The following NCOR2 variants were observed in gnomAD, a reference collection of about 807,000 sequenced individuals.
NCOR2 encodes the protein CTG repeat protein 26.
NCOR2 carries 81 observed loss-of-function variants against 262.9 expected under a neutral mutation model. That is an observed-to-expected ratio of 0.31 (90% CI 0.26 to 0.37). The LOEUF is 0.37. Among genes scored for constraint, NCOR2 ranks in the 10% least tolerant of loss-of-function variants. The probability of loss-of-function intolerance (pLI) is 1.00; values close to 1 mark genes in which losing one functional copy is unlikely to be tolerated. For synonymous variants in NCOR2, 1,659 were observed against 1,559.3 expected (o/e 1.06, Z -1.51); for missense variants, 3,385 against 3,621.4 (o/e 0.93, Z 1.68).
intron 1 of NCOR2, among the ~76,000 whole-genome samples, chr12:124,512,345 C>T (rs1261458839): frequency 1.3e-5 from 2 of 152,240 alleles, no homozygotes; most frequent in African/African-American, 4.8e-5. Context: ...TGGCTCCAGG[C>T]ATTCCTTGGC....
intron 31 of NCOR2, 71 bp downstream of exon 33, chr12:124,346,493 C>T (rs1349075011): frequency 2.1e-6 from 3 of 1,411,080 alleles, no homozygotes; most frequent in Non-Finnish European, 2.8e-6. Flanking sequence ...GTGGAGAGGC[C>T]CAGGGCAGTG....
At chr12:124,533,074 T>C (rs1253233515) in intron 1 of NCOR2, among the ~76,000 whole-genome samples, 1 of 135,376 alleles carries the variant, frequency 7.4e-6, no homozygotes, top group Non-Finnish European at 1.6e-5. Flanking sequence ...CACTCCTCCT[T>C]CTCCTACCTC....
intron 30 of NCOR2, 123 bp downstream of exon 32, chr12:124,347,702 T>C: frequency 1.1e-6 from 1 of 898,740 alleles, no homozygotes; most frequent in East Asian, 2.7e-5. Context: ...ACATGTGTGC[T>C]GCAGGCCTTT....
At chr12:124,350,488 T>G (rs2037357914) in intron 28 of NCOR2, 99 bp downstream of exon 30, 1 of 1,471,652 alleles carries the variant, frequency 6.8e-7, no homozygotes, top group South Asian at 1.3e-5. Context: ...AGATTGTGCT[T>G]TCTGATGTCA....
rs1565985008 is a variant in NCOR2 at position 124,483,636 on chromosome 12, A to G, written c.371T>C (p.Leu124Pro). The change falls in exon 3 of 47, where the codon CTG (leucine) becomes CCG (proline). Residue 124 changes from leucine (L) to proline (P), a missense_variant. By Grantham distance (98) the Leu-to-Pro change is moderately conservative (BLOSUM62 -3). Around this residue, in one of 5 missense-constraint regions of NCOR2, gnomAD observed 237 missense variants for 229.4 expected, o/e 1.03. Transcript: ENST00000405201. The surrounding 1 kb of genome is among the most constrained non-coding windows in gnomAD (Gnocchi z 6.3). ...AGATCCCGCAGGCTGGCCCGTGGCC[A>G]GCAGGGGTGACGGTCGCAGCAGGGG... is the stretch of plus-strand genomic sequence containing the variant. 11 of 1,610,398 alleles carry G rather than the reference A, an allele frequency of 6.8e-6. No homozygotes were observed. Among genetic ancestry groups the G allele is most frequent in the Non-Finnish European group, 9.3e-6 (11 of 1,178,600 alleles).
At chr12:124,400,027 G>A (rs983707950) in intron 15 of NCOR2, among the ~76,000 whole-genome samples, 1 of 152,096 alleles carries the variant, frequency 6.6e-6, no homozygotes, top group African/African-American at 2.4e-5. Context: ...AAGGAGTGGT[G>A]GTTACTCGGC....
intron 1 of NCOR2, among the ~76,000 whole-genome samples, chr12:124,533,363 C>T (rs1024902211): frequency 1.7e-4 from 26 of 152,066 alleles, no homozygotes. Context: ...TCACCCTTCC[C>T]CCAGATACCT....
intron 5 of NCOR2, 137 bp downstream of exon 7, chr12:124,466,036 C>A: frequency 1.2e-6 from 1 of 851,596 alleles, no homozygotes; most frequent in South Asian, 1.7e-5. Flanking sequence ...ACTCATAAAC[C>A]CTGCGTCTCT....
rs1565940407 is a variant in NCOR2 at position 124,433,875 on chromosome 12, C to CACACACACACAA, written c.883-3089_883-3088insTTGTGTGTGTGT. Among the ~76,000 whole-genome samples, 78 of 96,144 alleles carry CACACACACACAA rather than the reference C, an allele frequency of 8.1e-4. 1 individual carries two copies. The highest frequency in any genetic ancestry group is 5.2e-3 in the South Asian group (14 of 2,712). The allele number at this position is 96,144 out of a possible 152,430, so 63.1% of individuals were successfully genotyped here. ...ACACACACACACACACACACACACA[C>CACACACACACAA]ACACACACACACACACACACACACG... On this transcript the variant is annotated intron_variant, in intron 8 of 46. Coordinates refer to ENST00000405201, the Ensembl canonical transcript of NCOR2.
intron 20 of NCOR2, among the ~76,000 whole-genome samples, chr12:124,369,752 C>T (rs932116788): frequency 1.3e-5 from 2 of 152,238 alleles, no homozygotes; most frequent in East Asian, 1.9e-4. Flanking sequence ...CTCCTGCACC[C>T]GGGGGCTGTG....
chr12:124,544,501 G>A (rs1298905649), intron 1 of NCOR2, among the ~76,000 whole-genome samples: 1 of 152,212 alleles, frequency 6.6e-6, no homozygotes, highest in Non-Finnish European at 1.5e-5. Flanking sequence ...GATGGTGAAA[G>A]AGATTTGTCA....
At chr12:124,502,566 G>C (rs1346118826) in intron 1 of NCOR2, among the ~76,000 whole-genome samples, 2 of 152,186 alleles carry the variant, frequency 1.3e-5, no homozygotes, top group Non-Finnish European at 2.9e-5. Context: ...AAGGCCCAGA[G>C]GCAGGACCGA....
exon 38 of NCOR2, chr12:124,336,885 G>C (rs1396273035): frequency 1.2e-6 from 2 of 1,608,084 alleles, no homozygotes; most frequent in Non-Finnish European, 8.5e-7. Flanking sequence ...TTCTTCGCAG[G>C]GGTGCGGGCG....
chr12:124,332,887 C>T (rs1268761183), intron 42 of NCOR2, among the ~76,000 whole-genome samples: 2 of 152,246 alleles, frequency 1.3e-5, no homozygotes, highest in South Asian at 4.1e-4. Flanking sequence ...GGGCTGTCAA[C>T]GGGGGCCTGG....
intron 8 of NCOR2, among the ~76,000 whole-genome samples, chr12:124,434,217 A>AG (rs953661823): frequency 2.0e-5 from 3 of 151,894 alleles, no homozygotes; most frequent in Non-Finnish European, 4.4e-5. Flanking sequence ...CCAGGGTCTG[A>AG]GGGGGGTCTG....
upstream of NCOR2, among the ~76,000 whole-genome samples, chr12:124,540,330 C>T (rs1409738995): frequency 1.4e-5 from 2 of 146,782 alleles, no homozygotes; most frequent in Non-Finnish European, 3.0e-5. Flanking sequence ...GCACTCCAGG[C>T]AGAAGGCACA....
At chr12:124,446,089 G>A (rs1210708299) in intron 7 of NCOR2, among the ~76,000 whole-genome samples, 1 of 152,232 alleles carries the variant, frequency 6.6e-6, no homozygotes, top group African/African-American at 2.4e-5. Context: ...GACAGTTTCT[G>A]CAGTCTAGCA....
intron 32 of NCOR2, among the ~76,000 whole-genome samples, chr12:124,343,481 A>C (rs941960817): frequency 6.6e-6 from 1 of 152,256 alleles, no homozygotes; most frequent in Non-Finnish European, 1.5e-5. Flanking sequence ...CGTGGCAAGC[A>C]TTGTTGTGAG....
chr12:124,413,715 A>G (rs750528035), intron 13 of NCOR2, among the ~76,000 whole-genome samples: 83 of 152,132 alleles, frequency 5.5e-4, no homozygotes, highest in Non-Finnish European at 9.1e-4. Flanking sequence ...AGAGAGCGCA[A>G]GAGACGCAGA....
Sources: gnomAD v4.1 joint callset for allele counts (sites outside exome capture counted in the v4.1 genomes callset) on GRCh38, gnomAD v4.1.1 for gene constraint, gnomAD v4.1.1 regional missense constraint, Gnocchi (gnomAD v3.1) non-coding constraint, MANE v1.5 for transcripts, NCBI Gene and HGNC (gene_info 2026-07-23, HGNC 2026-07-21) for gene names.